The following ASIC2 variants were observed in gnomAD, a reference collection of about 807,000 sequenced individuals.
ASIC2 encodes acid-sensing ion channel 2.
ASIC2 carries 25 observed loss-of-function variants against 57.3 expected under a neutral mutation model. The observed-to-expected ratio is 0.44, with a 90% confidence interval of 0.32 to 0.61. ASIC2 has a LOEUF of 0.61. Among genes scored for constraint, ASIC2 ranks in the 20% least tolerant of loss-of-function variants. The probability of loss-of-function intolerance (pLI) is 0.06; values close to 1 mark genes in which losing one functional copy is unlikely to be tolerated. For missense variants in ASIC2, 641 were observed against 738.1 expected (o/e 0.87, Z 1.52); for synonymous variants, 319 against 307.5 (o/e 1.04, Z -0.39).
intron 1 of ASIC2, among the ~76,000 whole-genome samples, chr17:33,541,537 T>C (rs996700021): frequency 6.6e-5 from 10 of 152,152 alleles, no homozygotes; most frequent in African/African-American, 2.4e-4. Context: ...GAGCAGGGAC[T>C]CACCTGAGCC....
At chr17:33,106,408 G>A (rs1256484848) in intron 2 of ASIC2, among the ~76,000 whole-genome samples, 3 of 152,232 alleles carry the variant, frequency 2.0e-5, no homozygotes, top group Non-Finnish European at 2.9e-5. Context: ...TTTCATTGGA[G>A]TGCATGAAGG....
intron 1 of ASIC2, among the ~76,000 whole-genome samples, chr17:33,344,389 T>C (rs1490090167): frequency 3.9e-5 from 6 of 152,158 alleles, no homozygotes; most frequent in Non-Finnish European, 8.8e-5. Context: ...CTGTCATTTT[T>C]ACCTGGCAGG....
intron 1 of ASIC2, among the ~76,000 whole-genome samples, chr17:34,076,160 G>T (rs1909643360): frequency 6.6e-6 from 1 of 151,998 alleles, no homozygotes; most frequent in African/African-American, 2.4e-5. Context: ...CTGCCACCAT[G>T]CCTGGCTAAT....
intron 1 of ASIC2, among the ~76,000 whole-genome samples, chr17:33,265,780 AG>A (rs1195236340): frequency 6.6e-6 from 1 of 152,130 alleles, no homozygotes; most frequent in African/African-American, 2.4e-5. Flanking sequence ...CCTTCTACCC[AG>A]GGTATTTTTC....
At chr17:33,466,598 C>T (rs892773185) in intron 1 of ASIC2, among the ~76,000 whole-genome samples, 2 of 152,182 alleles carry the variant, frequency 1.3e-5, no homozygotes, top group Non-Finnish European at 2.9e-5. Flanking sequence ...TGAAACTATA[C>T]TACAAGGCTA....
At chr17:33,593,309 G>A (rs1003613243) in intron 1 of ASIC2, among the ~76,000 whole-genome samples, 3 of 152,094 alleles carry the variant, frequency 2.0e-5, no homozygotes, top group Admixed American at 6.5e-5. Context: ...TTTTTAGAGC[G>A]AGATGCCTGT....
intron 1 of ASIC2, among the ~76,000 whole-genome samples, chr17:34,114,127 C>T (rs765101064): frequency 2.6e-5 from 4 of 152,212 alleles, no homozygotes; most frequent in South Asian, 2.1e-4. Context: ...TCAGAACACA[C>T]TATTCCCTGA....
At chr17:33,257,213 T>A (rs1909114041) in intron 1 of ASIC2, among the ~76,000 whole-genome samples, 1 of 152,212 alleles carries the variant, frequency 6.6e-6, no homozygotes, top group African/African-American at 2.4e-5. Flanking sequence ...AGCAGCCAGG[T>A]ATGGGCTGCC....
intron 1 of ASIC2, among the ~76,000 whole-genome samples, chr17:33,946,556 T>C (rs1266478607): frequency 3.9e-5 from 6 of 152,228 alleles, no homozygotes; most frequent in African/African-American, 7.2e-5. Context: ...GGCACAGTGC[T>C]CAATGCTGTG....
chr17:33,216,212 GC>G (rs922152484), intron 1 of ASIC2, among the ~76,000 whole-genome samples: 2 of 152,198 alleles, frequency 1.3e-5, no homozygotes, highest in African/African-American at 4.8e-5. Context: ...TCTGTCCTCA[GC>G]TTCTGTGATT....
chr17:33,896,456 G>A (rs777749974), intron 1 of ASIC2, among the ~76,000 whole-genome samples: 79 of 152,208 alleles, frequency 5.2e-4, no homozygotes, highest in Non-Finnish European at 8.8e-4. Flanking sequence ...TAGCGACTCC[G>A]CAACAGCCAG....
At chr17:34,000,145 G>A (rs141671222) in intron 1 of ASIC2, among the ~76,000 whole-genome samples, 1 of 151,124 alleles carries the variant, frequency 6.6e-6, no homozygotes, top group East Asian at 1.9e-4. Context: ...ATACACTTCT[G>A]GAGGTTCCCT....
At position 33,292,438 on chromosome 17, in the gene ASIC2, C is replaced by T; in HGVS notation, c.-323G>A. 1.0e-6 allele frequency: 1 copy of T among 985,640 alleles called. No individual in the cohort carries two copies. Among genetic ancestry groups the T allele is most frequent in the Non-Finnish European group, 1.2e-6 (1 of 830,160 alleles). 61.1% of individuals were successfully genotyped at this position (985,640 alleles called of 1,614,324 possible). On this transcript the variant is annotated 5_prime_UTR_variant, in exon 1 of 10. Transcript: ENST00000225823. The stretch of plus-strand genomic sequence containing the variant: ...GCCCGGCACTACTTCTGGAGGGGTC[C>T]CACTGGGAGCCGCCTCTCCAGTCCC...
At chr17:34,129,473 C>CACAGGG (rs1328870661) in intron 1 of ASIC2, among the ~76,000 whole-genome samples, 1 of 152,130 alleles carries the variant, frequency 6.6e-6, no homozygotes, top group Non-Finnish European at 1.5e-5. Context: ...ACACACATAC[C>CACAGGG]ACAGGGTAGG....
intron 1 of ASIC2, among the ~76,000 whole-genome samples, chr17:33,701,457 A>G (rs1908698874): frequency 6.6e-6 from 1 of 152,214 alleles, no homozygotes; most frequent in South Asian, 2.1e-4. Context: ...TTCAAAATGA[A>G]GAAAGACCAT....
At chr17:34,038,727 G>T in intron 1 of ASIC2, 1 of 1,605,702 alleles carries the variant, frequency 6.2e-7, no homozygotes, top group East Asian at 2.2e-5. Flanking sequence ...ATTTCTTCTT[G>T]TTCATGGTAT....
chr17:33,309,602 C>T (rs1045912319), intron 1 of ASIC2, among the ~76,000 whole-genome samples: 6 of 152,116 alleles, frequency 3.9e-5, no homozygotes, highest in African/African-American at 1.4e-4. Flanking sequence ...TCCACTGTCC[C>T]CTTCCTCCTC....
intron 1 of ASIC2, among the ~76,000 whole-genome samples, chr17:33,864,263 A>G (rs1914175010): frequency 1.3e-5 from 2 of 152,186 alleles, no homozygotes; most frequent in East Asian, 1.9e-4. Flanking sequence ...GGTGATTTAA[A>G]GTTTCCACTA....
intron 1 of ASIC2, among the ~76,000 whole-genome samples, chr17:33,155,004 C>T (rs757802818): frequency 2.6e-5 from 4 of 152,222 alleles, no homozygotes; most frequent in East Asian, 3.8e-4. Flanking sequence ...CTTTCACCTG[C>T]GCCGCGGTGC....
Sources: allele counts gnomAD v4.1 joint callset (sites outside exome capture counted in the v4.1 genomes callset), GRCh38; gene constraint gnomAD v4.1.1; transcripts MANE v1.5; gene names NCBI Gene and HGNC (gene_info 2026-07-23, HGNC 2026-07-21).